CPA6: variants seen among roughly 807,000 people sequenced by gnomAD.
The protein encoded by CPA6 is carboxypeptidase B.
CPA6 carries 58 observed loss-of-function variants against 63.3 expected under a neutral mutation model. That is an observed-to-expected ratio of 0.92 (90% CI 0.74 to 1.14). The LOEUF (loss-of-function observed/expected upper bound fraction) is 1.14, where lower values mean the gene tolerates loss of function less well. Among genes scored for constraint, CPA6 ranks in the 50% most tolerant of loss-of-function variants. The pLI is 0.00. For synonymous variants in CPA6, 185 were observed against 179.0 expected (o/e 1.03, Z -0.27); for missense variants, 565 against 526.6 (o/e 1.07, Z -0.71).
At chr8:67,608,810 C>A (rs1322783589) in intron 2 of CPA6, among the ~76,000 whole-genome samples, 1 of 152,224 alleles carries the variant, frequency 6.6e-6, no homozygotes. Flanking sequence ...GAGCCACCCC[C>A]TTTGTGAGGA....
chr8:67,651,438 C>A (rs1484556143), intron 1 of CPA6, among the ~76,000 whole-genome samples: 6 of 152,096 alleles, frequency 3.9e-5, no homozygotes, highest in Admixed American at 2.6e-4. Flanking sequence ...CACCACACGC[C>A]ATTTCCTTTT....
At chr8:67,635,066 A>G (rs933723982) in intron 1 of CPA6, among the ~76,000 whole-genome samples, 2 of 151,218 alleles carry the variant, frequency 1.3e-5, no homozygotes, top group South Asian at 2.1e-4. Flanking sequence ...TTTAAAAAAA[A>G]TTTTGTAGAC....
chr8:67,736,079 G>A (rs926191004), intron 1 of CPA6, among the ~76,000 whole-genome samples: 2 of 152,028 alleles, frequency 1.3e-5, no homozygotes, highest in African/African-American at 2.4e-5. Flanking sequence ...TCTCTTCATA[G>A]GACCAGGACC....
chr8:67,549,037 C>G (rs1275055541), intron 2 of CPA6, among the ~76,000 whole-genome samples: 1 of 152,024 alleles, frequency 6.6e-6, no homozygotes, highest in East Asian at 1.9e-4. Flanking sequence ...TGTTTAGGAT[C>G]TACATAATGA....
At chr8:67,720,643 A>G (rs1817478775) in intron 1 of CPA6, among the ~76,000 whole-genome samples, 5 of 152,222 alleles carry the variant, frequency 3.3e-5, no homozygotes, top group Admixed American at 2.6e-4. Flanking sequence ...ACATTAGTCC[A>G]CATGCTTCAA....
intron 1 of CPA6, among the ~76,000 whole-genome samples, chr8:67,714,150 A>G (rs1191742208): frequency 1.3e-5 from 2 of 152,170 alleles, no homozygotes; most frequent in African/African-American, 4.8e-5. Flanking sequence ...TGTTTATTAT[A>G]CCCAAACAAA....
intron 6 of CPA6, among the ~76,000 whole-genome samples, chr8:67,485,836 G>A (rs1379186531): frequency 6.6e-6 from 1 of 152,186 alleles, no homozygotes; most frequent in African/African-American, 2.4e-5. Flanking sequence ...CTATGCCAAA[G>A]AACAAGTTTC....
At chr8:67,718,870 C>T (rs919072111) in intron 1 of CPA6, among the ~76,000 whole-genome samples, 2 of 152,106 alleles carry the variant, frequency 1.3e-5, no homozygotes, top group Admixed American at 1.3e-4. Context: ...TGGTCTCAAT[C>T]TCCTGACCTT....
At chr8:67,518,494 T>C (rs1471090194) in intron 2 of CPA6, among the ~76,000 whole-genome samples, 1 of 146,284 alleles carries the variant, frequency 6.8e-6, no homozygotes, top group Non-Finnish European at 1.5e-5. Flanking sequence ...CTTTTTTTTC[T>C]TTTTCTTTTC....
At chr8:67,605,787 T>C (rs958420081) in intron 2 of CPA6, among the ~76,000 whole-genome samples, 1 of 152,134 alleles carries the variant, frequency 6.6e-6, no homozygotes, top group African/African-American at 2.4e-5. Flanking sequence ...CAAATATTCC[T>C]TGCTGGTGAA....
chr8:67,555,673 C>T (rs533440156), intron 2 of CPA6, among the ~76,000 whole-genome samples: 1 of 152,058 alleles, frequency 6.6e-6, no homozygotes, highest in Admixed American at 6.6e-5. Context: ...CCTGGGCATC[C>T]CATTTGTAGC....
At chr8:67,534,724 T>A (rs7820354) in intron 2 of CPA6, among the ~76,000 whole-genome samples, 148,383 of 151,788 alleles carry the variant, frequency 0.98, 72,553 homozygotes, top group East Asian at 1. Context: ...CTTTTTTTTT[T>A]AAAAAATTAT....
intron 2 of CPA6, among the ~76,000 whole-genome samples, chr8:67,583,056 T>C (rs1813818153): frequency 6.6e-6 from 1 of 152,130 alleles, no homozygotes; most frequent in African/African-American, 2.4e-5. Context: ...ATTATTAGGA[T>C]TTTTAATGGA....
intron 2 of CPA6, among the ~76,000 whole-genome samples, chr8:67,563,653 C>T (rs754520510): frequency 1.3e-5 from 2 of 152,000 alleles, no homozygotes; most frequent in Non-Finnish European, 2.9e-5. Context: ...GGCTCAGGGA[C>T]GATTGATTGA....
At chr8:67,705,379 T>C (rs1232367219) in intron 1 of CPA6, among the ~76,000 whole-genome samples, 5 of 152,152 alleles carry the variant, frequency 3.3e-5, no homozygotes, top group African/African-American at 1.2e-4. Context: ...AAATTATAAA[T>C]TTCCCTTTGG....
At chr8:67,443,836 G>A (rs149749191) in intron 8 of CPA6, among the ~76,000 whole-genome samples, 105 of 152,258 alleles carry the variant, frequency 6.9e-4, no homozygotes, top group Non-Finnish European at 1.2e-3. Flanking sequence ...GCTGGAGGTA[G>A]GACAGTGGTA....
intron 1 of CPA6, among the ~76,000 whole-genome samples, chr8:67,677,585 G>C (rs754532583): frequency 1.7e-4 from 26 of 151,958 alleles, no homozygotes; most frequent in Non-Finnish European, 3.7e-4. Flanking sequence ...CTCTCTCTCT[G>C]TATATGTGTG....
chr8:67,718,581 A>C (rs1381643708), intron 1 of CPA6, among the ~76,000 whole-genome samples: 1 of 151,598 alleles, frequency 6.6e-6, no homozygotes, highest in Non-Finnish European at 1.5e-5. Flanking sequence ...ATCTGGACTG[A>C]TACCTTTCCC....
At chr8:67,445,022 A>C (rs900167843) in intron 8 of CPA6, among the ~76,000 whole-genome samples, 4 of 152,180 alleles carry the variant, frequency 2.6e-5, no homozygotes. Flanking sequence ...TAACAAAGTA[A>C]CTGGGGACTT....
Sources: allele counts gnomAD v4.1 joint callset (sites outside exome capture counted in the v4.1 genomes callset), GRCh38; gene constraint gnomAD v4.1.1; transcripts MANE v1.5; gene names NCBI Gene and HGNC (gene_info 2026-07-23, HGNC 2026-07-21).